The following SEC23IP variants were observed in gnomAD, a reference collection of about 807,000 sequenced individuals.
The protein encoded by SEC23IP is SEC23 interacting protein.
SEC23IP carries 70 observed loss-of-function variants against 113.4 expected under a neutral mutation model. The observed-to-expected ratio is 0.62, with a 90% CI of 0.51 to 0.75. The LOEUF is 0.75. Ranked by LOEUF, SEC23IP falls within the 30% of genes least tolerant of loss-of-function variation. SEC23IP has a pLI of 0.00. For synonymous variants in SEC23IP, 398 were observed against 421.0 expected (o/e 0.95, Z 0.67); for missense variants, 1,160 against 1,204.9 (o/e 0.96, Z 0.55).
intron 7 of SEC23IP, 80 bp from the exon 8 acceptor site, chr10:119,915,668 G>T: frequency 2.2e-6 from 2 of 923,878 alleles, no homozygotes; most frequent in Non-Finnish European, 3.0e-6. Context: ...AAAAATACTG[G>T]CATATTTGAG....
intron 8 of SEC23IP, among the ~76,000 whole-genome samples, 168 bp downstream of exon 8, chr10:119,916,057 C>T (rs1855041252): frequency 6.6e-6 from 1 of 152,152 alleles, no homozygotes; most frequent in South Asian, 2.1e-4. Context: ...CTACTTTTCT[C>T]TCTGTGTGTG....
In SEC23IP at chr10:119,898,803, C is replaced by G; in HGVS notation, c.540C>G (p.Tyr180Ter). 6.2e-7 allele frequency: 1 copy of G among 1,614,174 alleles called. No individual in the cohort carries two copies. ...NQPQGIPQPG[Y>*]NPYRHTPGSS... ...CCCAAGGAATTCCCCAACCAGGATA[C>G]AATCCATATCGCCATACCCCTGGCA... is the stretch of plus-strand genomic sequence containing the variant. The change falls in exon 2 of 19, where the codon TAC becomes TAG. Residue 180 changes from tyrosine to a stop codon, truncating the protein, a stop_gained. Coordinates refer to ENST00000369075, the MANE Select transcript of SEC23IP (RefSeq NM_007190.4). LOFTEE classifies it high-confidence loss of function.
At chr10:119,923,807 C>T (rs1341227896) in intron 12 of SEC23IP, among the ~76,000 whole-genome samples, 1 of 152,168 alleles carries the variant, frequency 6.6e-6, no homozygotes, top group Non-Finnish European at 1.5e-5. Context: ...CCTTGCCCTC[C>T]CAAAGTGCTG....
At position 119,904,237 on chromosome 10, in the gene SEC23IP, G is replaced by A. The variant is rs769414189; in HGVS notation, c.1061G>A (p.Arg354Gln). The change falls in exon 4 of 19, where the codon CGA (arginine) becomes CAA (glutamine). Residue 354 changes from arginine (R) to glutamine (Q), a missense_variant. Transcript: ENST00000369075. Reference protein sequence around the residue: ...TWFYKGDTDSRFIPYTEEFSE... With the variant: ...TWFYKGDTDSQFIPYTEEFSE... ...TTTTACAAGGGGGACACAGATAGTC[G>A]ATTTATTCCCTATACTGAGGAGTTC... The A allele has an allele frequency of 4.3e-6, 7 of 1,614,130 alleles. No individual in the cohort carries two copies. The South Asian group carries it at 6.6e-5, about 15-fold the overall frequency.
intron 15 of SEC23IP, among the ~76,000 whole-genome samples, chr10:119,931,890 G>T (rs574878280): frequency 6.6e-6 from 1 of 151,562 alleles, no homozygotes; most frequent in Admixed American, 6.6e-5. Context: ...TCTTTTATTT[G>T]GAGAGAGAAA....
At chr10:119,919,742 A>T (rs1855183183) in intron 11 of SEC23IP, 146 bp downstream of exon 11, 1 of 699,578 alleles carries the variant, frequency 1.4e-6, no homozygotes, top group South Asian at 3.1e-5. Context: ...ACAGAAGAAT[A>T]TTTTTTTATA....
At chr10:119,918,358 A>G in intron 9 of SEC23IP, 35 bp from the exon 10 acceptor site, 1 of 1,248,602 alleles carries the variant, frequency 8.0e-7, no homozygotes, top group Admixed American at 1.8e-5. Flanking sequence ...AAAAGTACCT[A>G]CTACATTATA....
chr10:119,936,581 A>G (rs562780158), intron 18 of SEC23IP, among the ~76,000 whole-genome samples: 2 of 147,822 alleles, frequency 1.4e-5, no homozygotes, highest in South Asian at 2.1e-4. Flanking sequence ...TGATCCCTAC[A>G]TTTTGCTAAA....
intron 18 of SEC23IP, among the ~76,000 whole-genome samples, chr10:119,937,334 C>CGTA (rs981781775): frequency 5.1e-4 from 78 of 152,016 alleles, no homozygotes; most frequent in African/African-American, 1.9e-3. Flanking sequence ...TTTAAAAATA[C>CGTA]GTAGCCCTAC....
At chr10:119,899,785 T>A (rs187754638) in intron 2 of SEC23IP, among the ~76,000 whole-genome samples, 2 of 152,352 alleles carry the variant, frequency 1.3e-5, no homozygotes, top group Admixed American at 1.3e-4. Flanking sequence ...GTTGCTTAAA[T>A]TTTTAAAAAG....
At chr10:119,937,014 A>C (rs1198980479) in intron 18 of SEC23IP, among the ~76,000 whole-genome samples, 5 of 151,472 alleles carry the variant, frequency 3.3e-5, no homozygotes, top group African/African-American at 9.7e-5. Context: ...TAGCCTCCCG[A>C]GTAGCTGGGA....
intron 18 of SEC23IP, among the ~76,000 whole-genome samples, chr10:119,939,735 C>CA (rs1855904712): frequency 6.6e-6 from 1 of 152,132 alleles, no homozygotes; most frequent in Admixed American, 6.5e-5. Flanking sequence ...CTCTGTCACC[C>CA]AGCTTGTGTG....
chr10:119,920,852 T>A, intron 11 of SEC23IP, 37 bp from the exon 12 acceptor site: 1 of 1,338,330 alleles, frequency 7.5e-7, no homozygotes, highest in South Asian at 1.2e-5. Context: ...CTTCTATCAC[T>A]AGATTGATTA....
rs759173606 is a variant in SEC23IP, at chr10:119,933,061, G to T, written c.2815G>T (p.Val939Phe). ...FSKDEDYLGKVGMLNGGRRID... is the reference protein window; with the variant it reads ...FSKDEDYLGKFGMLNGGRRID... Reference sequence around the variant, plus strand: ...CAAGGATGAGGACTACTTAGGAAAGGTTGGAATGTTAAATGGAGGCCGCCG... The same window carrying T: ...CAAGGATGAGGACTACTTAGGAAAGTTTGGAATGTTAAATGGAGGCCGCCG... Residue 939 changes from valine (V) to phenylalanine (F), a missense_variant, in exon 17 of 19, where the codon GTT (valine) becomes TTT (phenylalanine). Transcript: ENST00000369075. 7.4e-6 allele frequency: 12 copies of T among 1,613,984 alleles called. No homozygotes were observed. Among genetic ancestry groups the T allele is most frequent in the Non-Finnish European group, 1.0e-5 (12 of 1,179,964 alleles).
At chr10:119,918,113 G>A in intron 9 of SEC23IP, 69 bp downstream of exon 9, 3 of 1,219,916 alleles carry the variant, frequency 2.5e-6, no homozygotes, top group Non-Finnish European at 3.5e-6. Flanking sequence ...CAGTGTAGGT[G>A]ATATTGTTAG....
At position 119,920,896 on chromosome 10, in the gene SEC23IP, G is replaced by A; in HGVS notation, c.2033G>A (p.Cys678Tyr). The A allele has an allele frequency of 1.2e-6, 2 of 1,606,694 alleles. No homozygotes were observed. Among genetic ancestry groups the A allele is most frequent in the Non-Finnish European group, 1.7e-6 (2 of 1,173,530 alleles). ...EKIDMESLLM[C>Y]TVDDLKEMGI... Reference sequence around the variant, plus strand: ...GTCTGTTTCCTTTTAAAGCTTATGTGTACAGTTGATGACCTGAAGGAAATG... The same window carrying A: ...GTCTGTTTCCTTTTAAAGCTTATGTATACAGTTGATGACCTGAAGGAAATG... The change falls in exon 12 of 19, where the codon TGT becomes TAT. Residue 678 changes from cysteine to tyrosine, a missense_variant. Cys to Tyr is a radical substitution (Grantham distance 194, BLOSUM62 -2). Coordinates refer to ENST00000369075, the MANE Select transcript of SEC23IP (RefSeq NM_007190.4).
rs543966758 is a variant in SEC23IP at position 119,909,738 on chromosome 10, T to TA, written c.1191+615dup. On this transcript the variant is annotated intron_variant, in intron 5 of 18. Coordinates refer to ENST00000369075, the MANE Select transcript of SEC23IP (RefSeq NM_007190.4). ...AAAGAGACTCTGTCTCTACAAAAAT[T>TA]AAAAAAATTAGCTGAGCATAGTGGT... Among the ~76,000 whole-genome samples the TA allele has an allele frequency of 2.4e-3, 366 of 151,628 alleles. 18 individuals are homozygous for TA. In the South Asian group the frequency reaches 0.073, roughly 30 times the overall value.
At chr10:119,936,329 G>A (rs748056561) in intron 18 of SEC23IP, among the ~76,000 whole-genome samples, 3 of 151,932 alleles carry the variant, frequency 2.0e-5, no homozygotes, top group Non-Finnish European at 4.4e-5. Context: ...GGCCGAGGCG[G>A]GCAGATCACT....
intron 11 of SEC23IP, among the ~76,000 whole-genome samples, chr10:119,919,946 G>A (rs1458914661): frequency 4.6e-5 from 7 of 152,164 alleles, no homozygotes; most frequent in African/African-American, 7.2e-5. Context: ...ACATCAGTGT[G>A]ATATGTAAAT....
Sources: gnomAD v4.1 joint callset for allele counts (sites outside exome capture counted in the v4.1 genomes callset) on GRCh38, gnomAD v4.1.1 for gene constraint, MANE v1.5 for transcripts, NCBI Gene and HGNC (gene_info 2026-07-23, HGNC 2026-07-21) for gene names.